BMP2K: variants seen among roughly 807,000 people sequenced by gnomAD.
BMP2K encodes BMP-2-inducible protein kinase.
A neutral mutation model predicts 116.0 loss-of-function variants in BMP2K; 74 were observed. The ratio of observed to expected loss-of-function variants is 0.64; its 90% CI spans 0.53 to 0.77. BMP2K has a LOEUF of 0.77. Among genes scored for constraint, BMP2K ranks in the 30% least tolerant of loss-of-function variants. The probability of loss-of-function intolerance (pLI) is 0.00; values close to 1 mark genes in which losing one functional copy is unlikely to be tolerated. For missense variants in BMP2K, 1,365 were observed against 1,403.6 expected (o/e 0.97, Z 0.44); for synonymous variants, 486 against 502.5 (o/e 0.97, Z 0.44).
chr4:78,826,232 G>C, intron 2 of BMP2K, 77 bp downstream of exon 2: 1 of 1,122,698 alleles, frequency 8.9e-7, no homozygotes, highest in Non-Finnish European at 1.3e-6. Context: ...GAGTGCAGTG[G>C]AGTGGCACGC....
At chr4:78,898,342 G>T (rs186344079) in intron 15 of BMP2K, among the ~76,000 whole-genome samples, 3 of 151,932 alleles carry the variant, frequency 2.0e-5, no homozygotes, top group African/African-American at 7.2e-5. Context: ...TCCACTGCTG[G>T]GCCATTTTAT....
At chr4:78,897,986 G>T (rs1320638892) in intron 15 of BMP2K, among the ~76,000 whole-genome samples, 1 of 152,144 alleles carries the variant, frequency 6.6e-6, no homozygotes, top group Non-Finnish European at 1.5e-5. Context: ...GCTTTATTCT[G>T]GTTGAGTTGG....
At chr4:78,821,611 G>A (rs912871202) in intron 1 of BMP2K, among the ~76,000 whole-genome samples, 2 of 152,124 alleles carry the variant, frequency 1.3e-5, no homozygotes, top group South Asian at 2.1e-4. Context: ...GCATAGGGGC[G>A]AGTGTTGGCC....
At chr4:78,816,162 G>T (rs1729340318) in intron 1 of BMP2K, among the ~76,000 whole-genome samples, 1 of 151,924 alleles carries the variant, frequency 6.6e-6, no homozygotes, top group Admixed American at 6.6e-5. Context: ...TATGTTTTTG[G>T]TAACGTGAAG....
At chr4:78,793,340 G>A (rs1369961673) in intron 1 of BMP2K, among the ~76,000 whole-genome samples, 2 of 151,050 alleles carry the variant, frequency 1.3e-5, no homozygotes, top group Non-Finnish European at 2.9e-5. Flanking sequence ...AACCCGGGAG[G>A]TGGAGCTTGC....
intron 1 of BMP2K, among the ~76,000 whole-genome samples, chr4:78,807,673 C>T (rs537947704): frequency 1.8e-4 from 27 of 151,652 alleles, no homozygotes; most frequent in African/African-American, 3.6e-4. Context: ...AGGAATTTAT[C>T]GGTTTCACCC....
chr4:78,872,925 C>T (rs767828470), intron 13 of BMP2K, 127 bp downstream of exon 13: 11 of 940,598 alleles, frequency 1.2e-5, no homozygotes, highest in Non-Finnish European at 1.7e-5. Context: ...CCCATTCTCT[C>T]TTCCTAGTCC....
chr4:78,818,949 A>T (rs1019462013), intron 1 of BMP2K, among the ~76,000 whole-genome samples: 1 of 152,028 alleles, frequency 6.6e-6, no homozygotes, highest in Non-Finnish European at 1.5e-5. Context: ...AGTGCATGCC[A>T]CCATGCCTGG....
chr4:78,898,223 C>A (rs914476265), intron 15 of BMP2K, among the ~76,000 whole-genome samples: 1 of 152,100 alleles, frequency 6.6e-6, no homozygotes. Context: ...CCTAGACCCA[C>A]CCTGTGGGCT....
chr4:78,828,619 T>C (rs567083185), intron 2 of BMP2K, among the ~76,000 whole-genome samples: 131 of 152,248 alleles, frequency 8.6e-4, no homozygotes, highest in African/African-American at 2.7e-3. Flanking sequence ...ACACCCAACA[T>C]TATAACAAAA....
chr4:78,875,259 G>T (rs1732576899), intron 13 of BMP2K, among the ~76,000 whole-genome samples: 1 of 152,152 alleles, frequency 6.6e-6, no homozygotes, highest in African/African-American at 2.4e-5. Flanking sequence ...AGAGAATTGG[G>T]GTTAAATGTT....
intron 1 of BMP2K, among the ~76,000 whole-genome samples, chr4:78,819,767 T>G (rs1264863079): frequency 1.3e-5 from 2 of 152,204 alleles, no homozygotes; most frequent in Non-Finnish European, 2.9e-5. Flanking sequence ...TTTCATTGAT[T>G]CATTCATTCA....
chr4:78,858,582 A>T (rs1299997737), intron 7 of BMP2K, among the ~76,000 whole-genome samples: 1 of 151,942 alleles, frequency 6.6e-6, no homozygotes, highest in Admixed American at 6.6e-5. Context: ...GTCATTGAAG[A>T]TGTATCACAC....
At chr4:78,824,105 T>C (rs1375750656) in intron 1 of BMP2K, among the ~76,000 whole-genome samples, 1 of 152,234 alleles carries the variant, frequency 6.6e-6, no homozygotes, top group Non-Finnish European at 1.5e-5. Flanking sequence ...ATCTGATTTA[T>C]TCCTAGAACT....
chr4:78,810,887 G>C (rs1283973309), intron 1 of BMP2K, among the ~76,000 whole-genome samples: 4 of 152,142 alleles, frequency 2.6e-5, no homozygotes, highest in African/African-American at 9.7e-5. Context: ...GACAATTTTT[G>C]CCAGTATCCT....
rs551096509 is a variant in BMP2K at position 78,823,560 on chromosome 4, T to A, written c.179-2477T>A. 1.7e-4 allele frequency among the ~76,000 whole-genome samples: 25 copies of A among 147,364 alleles called. 1 individual carries two copies. Among genetic ancestry groups the A allele is most frequent in the African/African-American group, 5.9e-4 (24 of 40,580 alleles). ...TGGTTATATATATAGTTATATATAG[T>A]TATATAGTTATATATAGTTATATAT... On this transcript the variant is annotated intron_variant, in intron 1 of 15. Transcript: ENST00000502613.
chr4:78,879,532 T>C (rs1193235797), intron 14 of BMP2K: 2 of 711,298 alleles, frequency 2.8e-6, no homozygotes, highest in African/African-American at 3.9e-5. Context: ...AATGTCCTTT[T>C]TGAAAGAATG....
At chr4:78,825,216 C>A (rs1729812829) in intron 1 of BMP2K, among the ~76,000 whole-genome samples, 1 of 151,836 alleles carries the variant, frequency 6.6e-6, no homozygotes, top group Non-Finnish European at 1.5e-5. Context: ...AAAACAAAAA[C>A]AAAAAAACCC....
chr4:78,807,134 G>A (rs1728860751), intron 1 of BMP2K, among the ~76,000 whole-genome samples: 1 of 152,108 alleles, frequency 6.6e-6, no homozygotes, highest in East Asian at 1.9e-4. Flanking sequence ...TTATAGGTGG[G>A]AGCCACCGTG....
Sources: allele counts gnomAD v4.1 joint callset (sites outside exome capture counted in the v4.1 genomes callset), GRCh38; gene constraint gnomAD v4.1.1; transcripts MANE v1.5; gene names NCBI Gene and HGNC (gene_info 2026-07-23, HGNC 2026-07-21).